The following EXTL3 variants were observed in gnomAD, a reference collection of about 807,000 sequenced individuals.
EXTL3 encodes exostosin like glycosyltransferase 3.
In EXTL3, 27 loss-of-function variants were observed where a neutral mutation model predicts 69.3. The ratio of observed to expected loss-of-function variants is 0.39; its 90% CI spans 0.29 to 0.54. The LOEUF (loss-of-function observed/expected upper bound fraction) is 0.54, where lower values mean the gene tolerates loss of function less well. Ranked by LOEUF, EXTL3 falls within the 20% of genes least tolerant of loss-of-function variation. EXTL3 has a pLI of 0.69. For synonymous variants in EXTL3, 511 were observed against 499.4 expected, an observed-to-expected ratio of 1.02 and a Z score of -0.31; for missense variants, 1,003 against 1,231.8, an observed-to-expected ratio of 0.81 and a Z score of 2.78.
At chr8:28,722,704 G>A (rs1801320136) in intron 3 of EXTL3, among the ~76,000 whole-genome samples, 1 of 147,950 alleles carries the variant, frequency 6.8e-6, no homozygotes, top group Admixed American at 6.8e-5. Context: ...AGCCTGGTAA[G>A]TCAAGGCTGC....
upstream of EXTL3, chr8:28,697,457 G>A (rs1038349482): frequency 1.3e-4 from 20 of 152,380 alleles, no homozygotes; most frequent in African/African-American, 4.6e-4. Flanking sequence ...GCTCCAGACA[G>A]AAGACCCACA....
intron 4 of EXTL3, among the ~76,000 whole-genome samples, chr8:28,735,838 G>C (rs1801640536): frequency 6.6e-6 from 1 of 152,224 alleles, no homozygotes; most frequent in Non-Finnish European, 1.5e-5. Context: ...GAGAGCATGT[G>C]TCCATACAGA....
intron 2 of EXTL3, among the ~76,000 whole-genome samples, chr8:28,610,493 G>A (rs188304325): frequency 0.025 from 3,749 of 152,180 alleles, 119 homozygotes; most frequent in African/African-American, 0.077. Flanking sequence ...AGAGGAAAAA[G>A]GGATGAACTG....
intron 1 of EXTL3, among the ~76,000 whole-genome samples, chr8:28,630,789 G>T (rs1018749694): frequency 1.3e-5 from 2 of 152,214 alleles, no homozygotes; most frequent in South Asian, 2.1e-4. Context: ...AGACAGACAC[G>T]TAGATAGACA....
At chr8:28,633,758 C>T (rs1806610151) in intron 1 of EXTL3, among the ~76,000 whole-genome samples, 1 of 152,154 alleles carries the variant, frequency 6.6e-6, no homozygotes, top group Non-Finnish European at 1.5e-5. Flanking sequence ...ATGTTACATG[C>T]CATCTAAAGC....
At chr8:28,665,437 T>G (rs1807181456) in intron 1 of EXTL3, among the ~76,000 whole-genome samples, 1 of 146,994 alleles carries the variant, frequency 6.8e-6, no homozygotes, top group African/African-American at 2.6e-5. Flanking sequence ...TTTTTTTTTT[T>G]GAGACAGGGT....
chr8:28,697,279 C>T (rs2130688569), upstream of EXTL3: 1 of 152,262 alleles, frequency 6.6e-6, no homozygotes, highest in Non-Finnish European at 1.5e-5. Context: ...AAGTGAGGCC[C>T]CCAACTGTGA....
intron 6 of EXTL3, among the ~76,000 whole-genome samples, chr8:28,744,255 TAGAA>T (rs1484299089): frequency 1.3e-5 from 2 of 152,240 alleles, no homozygotes; most frequent in Admixed American, 1.3e-4. Flanking sequence ...CTGATGTCCT[TAGAA>T]GGGTCAACAA....
At chr8:28,632,972 A>C (rs1177986588) in intron 1 of EXTL3, among the ~76,000 whole-genome samples, 1 of 152,224 alleles carries the variant, frequency 6.6e-6, no homozygotes, top group African/African-American at 2.4e-5. Context: ...AAAATATTAA[A>C]TCTGGCCCAT....
rs564246957 is a variant in EXTL3, at chr8:28,671,901, A to G, written c.-52-41556A>G. Among the ~76,000 whole-genome samples, 4 of 152,314 alleles carry G rather than the reference A, an allele frequency of 2.6e-5. No individual in the cohort carries two copies. The South Asian group carries it at 8.3e-4, about 32-fold the overall frequency. On this transcript the variant is annotated intron_variant, in intron 1 of 6. Transcript: ENST00000523149. Reference sequence around the variant, plus strand: ...TTTAAAGTGTTAGAACTCATTTGGGAGGCTAAGGCAGGTAAAGTGCTTGAG... The same window carrying G: ...TTTAAAGTGTTAGAACTCATTTGGGGGGCTAAGGCAGGTAAAGTGCTTGAG...
chr8:28,657,275 A>C (rs867327391), intron 1 of EXTL3, among the ~76,000 whole-genome samples: 1 of 152,300 alleles, frequency 6.6e-6, no homozygotes, highest in Non-Finnish European at 1.5e-5. Context: ...TAAGGAAGAA[A>C]GTGGTTTGAA....
chr8:28,683,048 T>C lies in EXTL3; in HGVS notation c.-52-30409T>C, dbSNP rs372863745. Among the ~76,000 whole-genome samples the C allele has an allele frequency of 1.8e-4, 27 of 152,348 alleles. No individual in the cohort carries two copies. In the South Asian group the frequency reaches 5.6e-3, roughly 32 times the overall value. On this transcript the variant is annotated intron_variant, in intron 1 of 6. Transcript: ENST00000523149. ...TTCCCGTTGTATGTTCTCAGTACTT[T>C]TGTGGAAGAGCAATTGACTATAAAT... is the stretch of plus-strand genomic sequence containing the variant.
intron 1 of EXTL3, among the ~76,000 whole-genome samples, chr8:28,667,295 A>G (rs983971756): frequency 6.6e-5 from 10 of 152,198 alleles, no homozygotes; most frequent in African/African-American, 2.2e-4. Flanking sequence ...AACTTGGTAA[A>G]GTAACAAGGG....
intron 1 of EXTL3, among the ~76,000 whole-genome samples, chr8:28,670,816 A>C (rs1275975312): frequency 6.6e-6 from 1 of 152,196 alleles, no homozygotes; most frequent in Non-Finnish European, 1.5e-5. Context: ...CTCCTGACCC[A>C]ATCAAGCTGA....
chr8:28,666,845 G>C (rs1273631249), intron 1 of EXTL3, among the ~76,000 whole-genome samples: 1 of 152,108 alleles, frequency 6.6e-6, no homozygotes, highest in Non-Finnish European at 1.5e-5. Flanking sequence ...AGAGCGCTGG[G>C]ATTACAGGCA....
At chr8:28,713,605 C>T in intron 2 of EXTL3, 55 bp downstream of exon 2, 2 of 690,152 alleles carry the variant, frequency 2.9e-6, no homozygotes, top group Admixed American at 4.3e-5. Context: ...TTTTCTTTTT[C>T]TTCCATTCTG....
Position 28,650,772 on chromosome 8 carries a change from A to G in EXTL3, c.-53+27962A>G, listed in dbSNP as rs1165842543. Among the ~76,000 whole-genome samples, 11 of 151,750 alleles carry G rather than the reference A, an allele frequency of 7.2e-5. No individual in the cohort carries two copies. In the Admixed American group the frequency reaches 7.3e-4, roughly 10 times the overall value. Reference sequence around the variant, plus strand: ...GGTTTTGGGCCCCTTTAGTTGATTGATCTAGTTATCTATTCTGGGCTAATA... The same window carrying G: ...GGTTTTGGGCCCCTTTAGTTGATTGGTCTAGTTATCTATTCTGGGCTAATA... On this transcript the variant is annotated intron_variant, in intron 1 of 6. Coordinates refer to the EXTL3 transcript ENST00000523149.
upstream of EXTL3, chr8:28,697,021 CAT>C (rs1467816629): frequency 1.3e-5 from 2 of 152,284 alleles, no homozygotes; most frequent in African/African-American, 4.8e-5. Flanking sequence ...TATCTTCCAT[CAT>C]GTGTAACTGA....
At chr8:28,709,976 C>A (rs1026080303) in intron 1 of EXTL3, among the ~76,000 whole-genome samples, 1 of 152,172 alleles carries the variant, frequency 6.6e-6, no homozygotes, top group Admixed American at 6.5e-5. Flanking sequence ...CTTGGTTCAG[C>A]CCTCCAATGA....
Sources: allele counts gnomAD v4.1 joint callset (sites outside exome capture counted in the v4.1 genomes callset), GRCh38; gene constraint gnomAD v4.1.1; transcripts MANE v1.5; gene names NCBI Gene and HGNC (gene_info 2026-07-23, HGNC 2026-07-21).